LYPLAL1: variants seen among roughly 807,000 people sequenced by gnomAD.
The protein encoded by LYPLAL1 is lysophospholipase like 1.
In LYPLAL1, 23 loss-of-function variants were observed where a neutral mutation model predicts 19.7. The observed-to-expected ratio is 1.17, with a 90% CI of 0.84 to 1.65. The LOEUF (loss-of-function observed/expected upper bound fraction) is 1.65, where lower values mean the gene tolerates loss of function less well. Among genes scored for constraint, LYPLAL1 ranks in the 40% most tolerant of loss-of-function variants. LYPLAL1 has a pLI of 0.00. For missense variants in LYPLAL1, 355 were observed against 279.4 expected (o/e 1.27, Z -1.93); for synonymous variants, 119 against 96.3 (o/e 1.24, Z -1.38).
At chr1:219,362,677 A>G in the LYPLAL1 span, among the ~76,000 whole-genome samples, 1 of 152,150 alleles carries the variant, frequency 6.6e-6, no homozygotes, top group Admixed American at 6.6e-5. Flanking sequence ...AAAGCGGAGT[A>G]TAGGGAACAA....
chr1:219,395,448 C>A, the LYPLAL1 span, among the ~76,000 whole-genome samples: 1 of 152,016 alleles, frequency 6.6e-6, no homozygotes, highest in Non-Finnish European at 1.5e-5. Flanking sequence ...TGTTTATGTC[C>A]TTTGCCCACT....
At chr1:219,209,533 C>T (rs565130752) in intron 3 of LYPLAL1, among the ~76,000 whole-genome samples, 120 of 152,180 alleles carry the variant, frequency 7.9e-4, no homozygotes, top group African/African-American at 2.8e-3. Context: ...CTCTTAAGAG[C>T]TCAGCTTTAC....
At chr1:219,193,060 G>GT (rs749790093) in intron 2 of LYPLAL1, 22 bp from the exon 3 acceptor site, 135 of 1,504,116 alleles carry the variant, frequency 9.0e-5, no homozygotes, top group South Asian at 2.6e-4. Context: ...TTTTTTTTTG[G>GT]GGGGGGGCGG....
the LYPLAL1 span, among the ~76,000 whole-genome samples, chr1:219,395,817 G>A: frequency 1.3e-5 from 2 of 152,152 alleles, no homozygotes; most frequent in African/African-American, 4.8e-5. Flanking sequence ...AAGGGGTCCA[G>A]TTTTGGCTGG....
At chr1:219,349,610 C>A in the LYPLAL1 span, among the ~76,000 whole-genome samples, 1 of 152,140 alleles carries the variant, frequency 6.6e-6, no homozygotes, top group Admixed American at 6.5e-5. Context: ...TATGTGTACT[C>A]ATGTGCATAT....
At chr1:219,236,081 TTAAAAA>T in the LYPLAL1 span, among the ~76,000 whole-genome samples, 1 of 152,240 alleles carries the variant, frequency 6.6e-6, no homozygotes, top group Non-Finnish European at 1.5e-5. Flanking sequence ...CATATGGACA[TTAAAAA>T]TAAAAAAAGG....
the LYPLAL1 span, among the ~76,000 whole-genome samples, chr1:219,340,717 ACT>A: frequency 2.2e-4 from 33 of 152,068 alleles, 1 homozygote; most frequent in South Asian, 6.8e-3. Context: ...TCTTTCAGTA[ACT>A]CTAATGAGTT....
chr1:219,430,366 T>C, the LYPLAL1 span, among the ~76,000 whole-genome samples: 1 of 151,882 alleles, frequency 6.6e-6, no homozygotes, highest in Non-Finnish European at 1.5e-5. Flanking sequence ...CATTATGTGA[T>C]GCTTTGAGAG....
At chr1:219,240,323 T>C in the LYPLAL1 span, among the ~76,000 whole-genome samples, 44 of 152,316 alleles carry the variant, frequency 2.9e-4, no homozygotes, top group South Asian at 2.7e-3. Flanking sequence ...ATCTTTAGAA[T>C]TCTCAGTGGT....
chr1:219,286,900 T>C, the LYPLAL1 span, among the ~76,000 whole-genome samples: 1 of 152,212 alleles, frequency 6.6e-6, no homozygotes, highest in Non-Finnish European at 1.5e-5. Flanking sequence ...CTTTTTTCCA[T>C]TCACATTTTT....
At chr1:219,383,752 G>A in the LYPLAL1 span, among the ~76,000 whole-genome samples, 2 of 152,172 alleles carry the variant, frequency 1.3e-5, no homozygotes, top group African/African-American at 4.8e-5. Flanking sequence ...ATATTCCACT[G>A]ACCAAATCAG....
the LYPLAL1 span, among the ~76,000 whole-genome samples, chr1:219,372,887 C>G: frequency 6.6e-6 from 1 of 151,766 alleles, no homozygotes; most frequent in Non-Finnish European, 1.5e-5. Flanking sequence ...CTGGGCTACA[C>G]AGTGAGACCC....
chr1:219,429,512 GC>G, the LYPLAL1 span, among the ~76,000 whole-genome samples: 88 of 152,210 alleles, frequency 5.8e-4, 1 homozygote, highest in Non-Finnish European at 1.1e-3. Flanking sequence ...TTAAAAATTA[GC>G]CACCCATGGT....
the LYPLAL1 span, among the ~76,000 whole-genome samples, chr1:219,339,331 A>G: frequency 2.6e-5 from 4 of 152,150 alleles, no homozygotes; most frequent in Admixed American, 1.3e-4. Context: ...CAAGTGTGCA[A>G]TGCAGATGAG....
chr1:219,226,022 G>A, the LYPLAL1 span, among the ~76,000 whole-genome samples: 2 of 152,142 alleles, frequency 1.3e-5, no homozygotes, highest in South Asian at 4.1e-4. Flanking sequence ...TTTGAGTGAC[G>A]CAATGCCTTG....
the LYPLAL1 span, among the ~76,000 whole-genome samples, chr1:219,354,640 G>A: frequency 6.6e-6 from 1 of 152,286 alleles, no homozygotes; most frequent in Admixed American, 6.5e-5. Flanking sequence ...AATGTAAAAA[G>A]TAGCTATAGG....
the LYPLAL1 span, among the ~76,000 whole-genome samples, chr1:219,279,972 A>G: frequency 6.6e-6 from 1 of 152,374 alleles, no homozygotes; most frequent in South Asian, 2.1e-4. Context: ...GATATCTTTA[A>G]GAGAGCTCAA....
the LYPLAL1 span, among the ~76,000 whole-genome samples, chr1:219,319,340 G>A: frequency 6.6e-6 from 1 of 152,152 alleles, no homozygotes; most frequent in African/African-American, 2.4e-5. Flanking sequence ...GCCTGGGGAA[G>A]CTTCCCCATC....
At chr1:219,329,115 G>T in the LYPLAL1 span, among the ~76,000 whole-genome samples, 1 of 150,116 alleles carries the variant, frequency 6.7e-6, no homozygotes, top group Admixed American at 6.6e-5. Flanking sequence ...TTTCAAATTA[G>T]TCTTAATTAT....
Sources: allele counts gnomAD v4.1 joint callset (sites outside exome capture counted in the v4.1 genomes callset), GRCh38; gene constraint gnomAD v4.1.1; transcripts MANE v1.5; gene names NCBI Gene and HGNC (gene_info 2026-07-23, HGNC 2026-07-21).